The following DSG4 variants were observed in gnomAD, a reference collection of about 807,000 sequenced individuals.
DSG4 encodes the protein desmoglein-4.
DSG4 carries 87 observed loss-of-function variants against 93.1 expected under a neutral mutation model. The observed-to-expected ratio is 0.93, with a 90% CI of 0.79 to 1.12. DSG4 has a LOEUF of 1.12. Ranked by LOEUF, DSG4 falls within the 50% of genes most tolerant of loss-of-function variation. The pLI is 0.00. For missense variants in DSG4, 1,373 were observed against 1,285.7 expected, an observed-to-expected ratio of 1.07 and a Z score of -1.04; for synonymous variants, 432 against 452.9, an observed-to-expected ratio of 0.95 and a Z score of 0.59.
intron 1 of DSG4, among the ~76,000 whole-genome samples, chr18:31,379,657 G>T (rs529776831): frequency 4.1e-4 from 63 of 152,170 alleles, no homozygotes; most frequent in African/African-American, 1.4e-3. Context: ...AGTTAAAAAG[G>T]TAGGTGGCTA....
At position 31,413,858 on chromosome 18, in the gene DSG4, C is replaced by T. The variant is rs964591590; in HGVS notation, c.*263C>T. The T allele has an allele frequency of 1.2e-5, 5 of 416,866 alleles. No homozygotes were observed. Among genetic ancestry groups the T allele is most frequent in the Admixed American group, 3.6e-5 (1 of 28,130 alleles). The allele number at this position is 416,866 out of a possible 1,614,324, so 25.8% of individuals were successfully genotyped here. ...TATTGCATCCCTTGATACTGTCTAA[C>T]GAATAGCACATAACTCATATTGTGA... is the stretch of plus-strand genomic sequence containing the variant. On this transcript the variant is annotated 3_prime_UTR_variant, in exon 16 of 16. Transcript: ENST00000308128.
intron 2 of DSG4, among the ~76,000 whole-genome samples, 178 bp downstream of exon 2, chr18:31,385,349 A>G (rs887431097): frequency 5.9e-5 from 9 of 152,186 alleles, no homozygotes; most frequent in African/African-American, 1.9e-4. Context: ...ATCTCTATGC[A>G]TTTAGGGCAT....
rs1020838 is a variant in DSG4, at chr18:31,409,269, C to G, written c.1934-183C>G. Among the ~76,000 whole-genome samples the G allele has an allele frequency of 3.9e-4, 59 of 152,184 alleles. No individual in the cohort carries two copies. The East Asian group carries it at 0.011, about 28-fold the overall frequency. On this transcript the variant is annotated intron_variant, in intron 12 of 15. Transcript: ENST00000308128. ...TAAAGTTCTATGTGATTTGGTGGTGCTGTATTTATAAACTTGGATATGTAT... is the reference window on the plus strand; with the variant it reads ...TAAAGTTCTATGTGATTTGGTGGTGGTGTATTTATAAACTTGGATATGTAT...
chr18:31,380,672 C>T (rs2072123775), intron 1 of DSG4, among the ~76,000 whole-genome samples: 1 of 152,180 alleles, frequency 6.6e-6, no homozygotes, highest in Non-Finnish European at 1.5e-5. Flanking sequence ...AACTGCTTTA[C>T]TCAATTATTA....
Position 31,390,775 on chromosome 18 carries a change from A to G in DSG4, c.637A>G (p.Arg213Gly), listed in dbSNP as rs770511870. ...PSGAPMFILN[R>G]YTGEVCTMSS... Reference sequence around the variant, plus strand: ...AGGTGCACCCATGTTCATTCTGAATAGGTACACTGGAGAAGTCTGCACCAT... The same window carrying G: ...AGGTGCACCCATGTTCATTCTGAATGGGTACACTGGAGAAGTCTGCACCAT... The change falls in exon 6 of 16, where the codon AGG (arginine) becomes GGG (glycine). Residue 213 changes from arginine (R) to glycine (G), a missense_variant. Coordinates refer to ENST00000308128, the MANE Select transcript of DSG4 (RefSeq NM_177986.5). The G allele has an allele frequency of 4.3e-6, 7 of 1,613,698 alleles. No individual in the cohort carries two copies. Among genetic ancestry groups the G allele is most frequent in the Non-Finnish European group, 5.1e-6 (6 of 1,179,804 alleles).
At chr18:31,378,323 T>A (rs1005961812) in intron 1 of DSG4, among the ~76,000 whole-genome samples, 4 of 152,224 alleles carry the variant, frequency 2.6e-5, no homozygotes, top group Admixed American at 2.0e-4. Context: ...TAGTAAGTTA[T>A]GAGGATATAC....
At chr18:31,399,574 G>A in intron 9 of DSG4, 31 bp downstream of exon 9, 1 of 1,613,138 alleles carries the variant, frequency 6.2e-7, no homozygotes, top group East Asian at 2.2e-5. Context: ...ATGTTCTATG[G>A]TTCTATCCAG....
At chr18:31,400,836 A>G in intron 9 of DSG4, 45 bp from the exon 10 acceptor site, 1 of 1,599,104 alleles carries the variant, frequency 6.3e-7, no homozygotes. Flanking sequence ...TAAAAGTACT[A>G]ACTTTCATAA....
intron 15 of DSG4, among the ~76,000 whole-genome samples, chr18:31,412,383 G>A (rs1220450682): frequency 6.6e-6 from 1 of 152,116 alleles, no homozygotes; most frequent in Non-Finnish European, 1.5e-5. Context: ...GTAGTAGGGA[G>A]GGGAAACAGT....
chr18:31,390,016 C>T (rs117830043), intron 5 of DSG4, among the ~76,000 whole-genome samples: 2 of 152,266 alleles, frequency 1.3e-5, no homozygotes, highest in East Asian at 3.9e-4. Context: ...CCTGACAATT[C>T]TGAAAAGTCT....
chr18:31,413,353 A>G lies in DSG4; in HGVS notation c.2881A>G (p.Asn961Asp). 1 of 1,614,176 alleles carries G rather than the reference A, an allele frequency of 6.2e-7. No homozygotes were observed. Among genetic ancestry groups the G allele is most frequent in the South Asian group, 1.1e-5 (1 of 91,072 alleles). The change falls in exon 16 of 16, where the codon AAT (asparagine) becomes GAT (aspartate). Residue 961 changes from asparagine (N) to aspartate (D), a missense_variant. Coordinates refer to ENST00000308128, the MANE Select transcript of DSG4 (RefSeq NM_177986.5). Reference protein sequence around the residue: ...CVPAELADYNNVIYAERVLAS... With the variant: ...CVPAELADYNDVIYAERVLAS... ...ACCTGCTGAGTTAGCAGATTACAAC[A>G]ATGTAATCTATGCTGAGAGAGTACT...
chr18:31,412,995 G>T lies in DSG4; in HGVS notation c.2523G>T (p.Arg841Ser). The change falls in exon 16 of 16, where the codon AGG becomes AGT. Residue 841 changes from arginine to serine, a missense_variant. Transcript: ENST00000308128. ...TGGAAACTTTAGATCCAAAATTTAG[G>T]ACTCTTGCTGAGATCTGCTTAAACA... is the stretch of plus-strand genomic sequence containing the variant. ...SCMETLDPKF[R>S]TLAEICLNTE... 1 of 1,614,098 alleles carries T rather than the reference G, an allele frequency of 6.2e-7. No homozygotes were observed. Among genetic ancestry groups the T allele is most frequent in the Non-Finnish European group, 8.5e-7 (1 of 1,180,012 alleles).
chr18:31,401,361 G>A (rs543708382), intron 10 of DSG4, among the ~76,000 whole-genome samples: 1 of 152,202 alleles, frequency 6.6e-6, no homozygotes, highest in African/African-American at 2.4e-5. Context: ...TAAGGGCTAC[G>A]TGCTCTACAA....
chr18:31,377,101 T>C, intron 1 of DSG4, 142 bp downstream of exon 1: 1 of 946,784 alleles, frequency 1.1e-6, no homozygotes, highest in Non-Finnish European at 1.6e-6. Context: ...CCTCTGTTAA[T>C]TTCAAACAAC....
intron 7 of DSG4, 133 bp downstream of exon 7, chr18:31,391,345 A>G: frequency 1.6e-6 from 2 of 1,276,042 alleles, no homozygotes; most frequent in South Asian, 1.3e-5. Flanking sequence ...TTGTTATAGA[A>G]ACTTTGGAAT....
Position 31,413,670 on chromosome 18 carries a change from T to C in DSG4, c.*75T>C, listed in dbSNP as rs1260280203. ...CAATACATCCACCAAAAATATATAATGTACCATATATATTAATAGTCAACA... is the reference window on the plus strand; with the variant it reads ...CAATACATCCACCAAAAATATATAACGTACCATATATATTAATAGTCAACA... On this transcript the variant is annotated 3_prime_UTR_variant, in exon 16 of 16. Coordinates refer to ENST00000308128, the MANE Select transcript of DSG4 (RefSeq NM_177986.5). The C allele has an allele frequency of 6.7e-7, 1 of 1,485,812 alleles. No homozygotes were observed. The highest frequency in any genetic ancestry group is 1.4e-5 in the African/African-American group (1 of 72,516). The allele number at this position is 1,485,812 out of a possible 1,614,324, so 92.0% of individuals were successfully genotyped here.
At position 31,390,669 on chromosome 18, in the gene DSG4, A is replaced by C. The variant is rs2072237546; in HGVS notation, c.531A>C (p.Val177=). ...EENSDANTLV[V]KLCATDADEE... is the part of the protein sequence containing the mutation. ...TTCTATTTCTAGATACATTGGTAGT[A>C]AAGTTATGTGCCACAGATGCAGATG... is the stretch of plus-strand genomic sequence containing the variant. Residue 177 remains valine, a synonymous_variant, in exon 6 of 16, where the codon GTA becomes GTC. Coordinates refer to ENST00000308128, the MANE Select transcript of DSG4 (RefSeq NM_177986.5). 6.2e-7 allele frequency: 1 copy of C among 1,613,576 alleles called. No homozygotes were observed.
intron 2 of DSG4, 55 bp from the exon 3 acceptor site, chr18:31,386,633 T>C: frequency 6.2e-7 from 1 of 1,607,834 alleles, no homozygotes. Context: ...ATAAATGTCC[T>C]TTCTAAGTAA....
intron 8 of DSG4, among the ~76,000 whole-genome samples, chr18:31,398,752 A>G (rs2072332390): frequency 6.6e-6 from 1 of 152,156 alleles, no homozygotes; most frequent in African/African-American, 2.4e-5. Flanking sequence ...CGGCGACTAT[A>G]ATCATCATAA....
Sources: gnomAD v4.1 joint callset for allele counts (sites outside exome capture counted in the v4.1 genomes callset) on GRCh38, gnomAD v4.1.1 for gene constraint, MANE v1.5 for transcripts, NCBI Gene and HGNC (gene_info 2026-07-23, HGNC 2026-07-21) for gene names.